PRDM16: variants seen among roughly 807,000 people sequenced by gnomAD.
The protein encoded by PRDM16 is PR/SET domain 16, also known as histone-lysine N-methyltransferase PRDM16.
In PRDM16, 23 loss-of-function variants were observed where a neutral mutation model predicts 110.6. The observed-to-expected ratio is 0.21, with a 90% CI of 0.15 to 0.29. The LOEUF (loss-of-function observed/expected upper bound fraction) is 0.29, where lower values mean the gene tolerates loss of function less well. Among genes scored for constraint, PRDM16 ranks in the 10% least tolerant of loss-of-function variants. PRDM16 has a pLI of 1.00. For synonymous variants in PRDM16, 799 were observed against 781.8 expected, an observed-to-expected ratio of 1.02 and a Z score of -0.37; for missense variants, 1,615 against 1,794.3, an observed-to-expected ratio of 0.90 and a Z score of 1.81.
intron 12 of PRDM16, among the ~76,000 whole-genome samples, chr1:3,419,834 G>A (rs942083440): frequency 2.0e-5 from 3 of 151,908 alleles, no homozygotes; most frequent in Admixed American, 6.6e-5. Flanking sequence ...GCTGCCCCAG[G>A]GCTGTGTCCC....
chr1:3,293,928 G>A (rs1044655683), intron 3 of PRDM16, among the ~76,000 whole-genome samples: 7 of 152,234 alleles, frequency 4.6e-5, no homozygotes, highest in Non-Finnish European at 8.8e-5. Flanking sequence ...GGTGCCGGCA[G>A]TGTGTGAGTG....
chr1:3,259,235 G>A (rs1190466347), intron 3 of PRDM16, among the ~76,000 whole-genome samples: 2 of 152,190 alleles, frequency 1.3e-5, no homozygotes, highest in Non-Finnish European at 2.9e-5. Flanking sequence ...CACGAGGAGG[G>A]TCCAGGCAGG....
intron 8 of PRDM16, among the ~76,000 whole-genome samples, chr1:3,410,208 G>C (rs1175069238): frequency 1.3e-5 from 2 of 151,974 alleles, no homozygotes; most frequent in African/African-American, 4.8e-5. Flanking sequence ...TTTTTTCTTA[G>C]AAAAACAAGA....
At chr1:3,261,613 C>T (rs1471949922) in intron 3 of PRDM16, among the ~76,000 whole-genome samples, 1 of 152,152 alleles carries the variant, frequency 6.6e-6, no homozygotes, top group Non-Finnish European at 1.5e-5. Flanking sequence ...CCTGTACACA[C>T]GGCATTGCCC....
chr1:3,403,129 A>C, intron 6 of PRDM16, 131 bp downstream of exon 6: 1 of 846,526 alleles, frequency 1.2e-6, no homozygotes, highest in Non-Finnish European at 1.9e-6. Context: ...GGTGTAGACA[A>C]AGGGCCCCCT....
chr1:3,363,963 C>G (rs1401250014), intron 3 of PRDM16, among the ~76,000 whole-genome samples: 1 of 151,046 alleles, frequency 6.6e-6, no homozygotes, highest in African/African-American at 2.4e-5. Context: ...AAAGGCAGCG[C>G]CCCCCGCCCC....
At position 3,354,019 on chromosome 1, in the gene PRDM16, C is replaced by T. The variant is rs1229365851; in HGVS notation, c.439-31133C>T. ...TGGACTCCCAGTAGCTTTCTCCTGC[C>T]CAGCCACGCCCATGGAACCGGGTCC... On this transcript the variant is annotated intron_variant, in intron 3 of 16. Coordinates refer to ENST00000270722, the MANE Select transcript of PRDM16 (RefSeq NM_022114.4). 2.6e-5 allele frequency among the ~76,000 whole-genome samples: 4 copies of T among 152,214 alleles called. No homozygotes were observed. The East Asian group carries it at 7.7e-4, about 29-fold the overall frequency.
At chr1:3,247,542 G>A (rs1189981085) in intron 3 of PRDM16, among the ~76,000 whole-genome samples, 2 of 152,206 alleles carry the variant, frequency 1.3e-5, no homozygotes, top group African/African-American at 2.4e-5. Context: ...CGGAGCCACC[G>A]CCAGGCGCAG....
chr1:3,394,556 T>C (rs989000383), intron 4 of PRDM16: 8 of 409,528 alleles, frequency 2.0e-5, no homozygotes, highest in Non-Finnish European at 3.5e-5. Context: ...AGGGTCCACA[T>C]TGCCCTCTAA....
chr1:3,339,743 G>A lies in PRDM16; in HGVS notation c.439-45409G>A, dbSNP rs1445761361. 2.0e-5 allele frequency among the ~76,000 whole-genome samples: 3 copies of A among 152,110 alleles called. No individual in the cohort carries two copies. The highest frequency in any genetic ancestry group is 4.8e-5 in the African/African-American group (2 of 41,412). On this transcript the variant is annotated intron_variant, in intron 3 of 16. Coordinates refer to ENST00000270722, the MANE Select transcript of PRDM16 (RefSeq NM_022114.4). The surrounding 1 kb of genome is among the most constrained non-coding windows in gnomAD (Gnocchi z 5.0). Reference sequence around the variant, plus strand: ...AGCCTCCCTCAGAACTGTGGGAGACGGGGCTAAACTCCCCCCTCACCTGCC... The same window carrying A: ...AGCCTCCCTCAGAACTGTGGGAGACAGGGCTAAACTCCCCCCTCACCTGCC...
rs552798092 is a variant in PRDM16 at position 3,210,871 on chromosome 1, ATATC to A, written c.387+24401_387+24404del. 2.3e-3 allele frequency among the ~76,000 whole-genome samples: 349 copies of A among 152,344 alleles called. 3 individuals are homozygous for A. Among genetic ancestry groups the A allele is most frequent in the African/African-American group, 7.6e-3 (317 of 41,576 alleles). ...ACTCATTAGAGATATATCTGTTCAT[ATATC>A]TATTAGGTATTTATTCATTTATTTA... On this transcript the variant is annotated intron_variant, in intron 2 of 16. Transcript: ENST00000270722.
chr1:3,411,351 G>A (rs1643682777), intron 8 of PRDM16, 33 bp from the exon 9 acceptor site: 2 of 1,576,038 alleles, frequency 1.3e-6, no homozygotes, highest in Admixed American at 1.7e-5. Flanking sequence ...GTCATTTCAT[G>A]CGGGTTTGTC....
intron 8 of PRDM16, among the ~76,000 whole-genome samples, chr1:3,411,044 G>A (rs1353121253): frequency 6.7e-6 from 1 of 149,346 alleles, no homozygotes; most frequent in African/African-American, 2.5e-5. Context: ...TGGGTGGGGC[G>A]CATGCACACA....
intron 3 of PRDM16, among the ~76,000 whole-genome samples, chr1:3,342,234 A>G (rs1642286944): frequency 6.6e-6 from 1 of 152,198 alleles, no homozygotes. Context: ...GAATGAATGA[A>G]CATATTCCTA....
At chr1:3,152,938 G>A (rs892865056) in intron 1 of PRDM16, among the ~76,000 whole-genome samples, 1 of 152,222 alleles carries the variant, frequency 6.6e-6, no homozygotes, top group Non-Finnish European at 1.5e-5. Flanking sequence ...CTCTGAGGAC[G>A]GCTCCCAGGA....
At chr1:3,141,425 C>G (rs775835341) in intron 1 of PRDM16, among the ~76,000 whole-genome samples, 1 of 152,242 alleles carries the variant, frequency 6.6e-6, no homozygotes, top group Non-Finnish European at 1.5e-5. Flanking sequence ...CTCGGTCTCC[C>G]CGCATTAGCA....
chr1:3,114,554 G>C (rs1032247151), intron 1 of PRDM16, among the ~76,000 whole-genome samples: 1 of 150,948 alleles, frequency 6.6e-6, no homozygotes, highest in East Asian at 2.0e-4. Flanking sequence ...ACACACACAC[G>C]TGCACAAACA....
intron 8 of PRDM16, among the ~76,000 whole-genome samples, chr1:3,409,387 A>C (rs1643630181): frequency 6.6e-6 from 1 of 152,060 alleles, no homozygotes; most frequent in Non-Finnish European, 1.5e-5. Context: ...GGCAGATTTG[A>C]TGAAACGAGA....
chr1:3,295,587 C>T lies in PRDM16; in HGVS notation c.438+51450C>T, dbSNP rs541547914. The stretch of plus-strand genomic sequence containing the variant: ...CCTTCACTGTCACCTCCCCGGGGGC[C>T]GTAACTCAGGAGCCGAGCGTCCTCC... On this transcript the variant is annotated intron_variant, in intron 3 of 16. Coordinates refer to ENST00000270722, the MANE Select transcript of PRDM16 (RefSeq NM_022114.4). Among the ~76,000 whole-genome samples the T allele has an allele frequency of 2.1e-3, 325 of 152,230 alleles. 5 individuals are homozygous for T. The highest frequency in any genetic ancestry group is 1.0e-3 in the Non-Finnish European group (69 of 68,018).
Sources: gnomAD v4.1 joint callset for allele counts (sites outside exome capture counted in the v4.1 genomes callset) on GRCh38, gnomAD v4.1.1 for gene constraint, Gnocchi (gnomAD v3.1) non-coding constraint, MANE v1.5 for transcripts, NCBI Gene and HGNC (gene_info 2026-07-23, HGNC 2026-07-21) for gene names.